DEAF1: variants seen among roughly 807,000 people sequenced by gnomAD.
DEAF1 encodes deformed epidermal autoregulatory factor 1 homolog.
DEAF1 carries 53 observed loss-of-function variants against 58.9 expected under a neutral mutation model. The observed-to-expected ratio is 0.90, with a 90% CI of 0.72 to 1.13. The LOEUF (loss-of-function observed/expected upper bound fraction) is 1.13, where lower values mean the gene tolerates loss of function less well. DEAF1 is among the 50% of genes most tolerant of loss of function. The pLI is 0.00. For synonymous variants in DEAF1, 385 were observed against 340.4 expected (o/e 1.13, Z -1.44); for missense variants, 685 against 791.4 (o/e 0.87, Z 1.61).
chr11:699,821 A>T, upstream of DEAF1: 1 of 296,578 alleles, frequency 3.4e-6, no homozygotes, highest in East Asian at 6.3e-5. Flanking sequence ...AGGCAGGGTG[A>T]CATCACTGGG....
At chr11:646,060 CTGCCCAACA>C (rs1472213084) in intron 11 of DEAF1, among the ~76,000 whole-genome samples, 1 of 151,966 alleles carries the variant, frequency 6.6e-6, no homozygotes, top group African/African-American at 2.4e-5. Flanking sequence ...CGAGACCAGC[CTGCCCAACA>C]TGGCAAAACC....
In DEAF1 at chr11:677,757, A is replaced by C. The variant is rs1432707381; in HGVS notation, c.1255+937T>G. Among the ~76,000 whole-genome samples, 5 of 112,884 alleles carry C rather than the reference A, an allele frequency of 4.4e-5. 1 individual carries two copies. The highest frequency in any genetic ancestry group is 1.0e-4 in the Non-Finnish European group (5 of 49,302). 74.1% of individuals were successfully genotyped at this position (112,884 alleles called of 152,430 possible). ...ATCATGAGGTCAGGAGTTTGAGACC[A>C]GCCTGACCAGCATGGTGAAACCCCA... is the stretch of plus-strand genomic sequence containing the variant. On this transcript the variant is annotated intron_variant, in intron 9 of 11. Coordinates refer to ENST00000382409, the MANE Select transcript of DEAF1 (RefSeq NM_021008.4).
chr11:655,988 C>T (rs966691946), intron 10 of DEAF1, among the ~76,000 whole-genome samples: 22 of 150,640 alleles, frequency 1.5e-4, no homozygotes, highest in Admixed American at 1.4e-3. Flanking sequence ...CGGACCACCA[C>T]GCCTGGCTAA....
upstream of DEAF1, chr11:695,375 C>T: frequency 2.4e-6 from 1 of 417,240 alleles, no homozygotes; most frequent in Non-Finnish European, 4.2e-6. Flanking sequence ...CGAGTCCTCA[C>T]GAGGGCTTCC....
At chr11:697,261 A>C (rs900303392), upstream of DEAF1, among the ~76,000 whole-genome samples, 2 of 151,920 alleles carry the variant, frequency 1.3e-5, no homozygotes, top group Non-Finnish European at 2.9e-5. Context: ...CTCTAAAAAA[A>C]CTAAGTGTAT....
chr11:646,584 C>A (rs2133267628), intron 11 of DEAF1: 1 of 152,354 alleles, frequency 6.6e-6, no homozygotes, highest in South Asian at 2.1e-4. Context: ...AGAGGGCGCA[C>A]ATCAGTGTTG....
rs1165387256 is a variant in DEAF1 at position 681,239 on chromosome 11, C to A, written c.871-150G>T. The A allele has an allele frequency of 2.2e-5, 25 of 1,142,070 alleles. No homozygotes were observed. The South Asian group carries it at 3.4e-4, about 15-fold the overall frequency. 70.7% of individuals were successfully genotyped at this position (1,142,070 alleles called of 1,614,324 possible). A position where few individuals can be genotyped will look rare whatever the true frequency, so the allele number is the denominator to read the frequency against. On this transcript the variant is annotated intron_variant, in intron 6 of 11. Coordinates refer to ENST00000382409, the MANE Select transcript of DEAF1 (RefSeq NM_021008.4). ...GTAAGCGCCCCTAAAGATCCCACCT[C>A]TTTTTCTTTTTTGAGACGGAGTTTC...
chr11:659,811 C>T (rs1346977261), intron 10 of DEAF1, among the ~76,000 whole-genome samples: 1 of 152,160 alleles, frequency 6.6e-6, no homozygotes, highest in Admixed American at 6.6e-5. Context: ...AGAGACAGAG[C>T]GGGAGAGGGG....
chr11:687,104 G>A lies in DEAF1; in HGVS notation c.665-107C>T, dbSNP rs1462625673. 4.6e-6 allele frequency: 7 copies of A among 1,534,964 alleles called. No individual in the cohort carries two copies. The African/African-American group carries it at 9.6e-5, about 21-fold the overall frequency. On this transcript the variant is annotated intron_variant, in intron 4 of 11. Transcript: ENST00000382409. ...CCCCTCCACCAGCACCAGCGCCCCAGCGGCTCATGTGATCTCACCCACCCA... is the reference window on the plus strand; with the variant it reads ...CCCCTCCACCAGCACCAGCGCCCCAACGGCTCATGTGATCTCACCCACCCA...
At chr11:690,309 G>GC (rs1464965001) in intron 2 of DEAF1, among the ~76,000 whole-genome samples, 1 of 9,624 alleles carries the variant, frequency 1.0e-4, no homozygotes, top group African/African-American at 4.0e-4. Context: ...GGGAGGGGAG[G>GC]AGAGGGCAGG....
In DEAF1 at chr11:644,661, G is replaced by C; in HGVS notation, c.1594-7C>G. The C allele has an allele frequency of 6.2e-7, 1 of 1,603,282 alleles. No homozygotes were observed. Among genetic ancestry groups the C allele is most frequent in the South Asian group, 1.1e-5 (1 of 89,646 alleles). Reference sequence around the variant, plus strand: ...GCTGGTGATCCTTCCAGTCCTGGAAGGGAGGACACACCCATGTCAGCAGGG... The same window carrying C: ...GCTGGTGATCCTTCCAGTCCTGGAACGGAGGACACACCCATGTCAGCAGGG... On this transcript the variant is annotated splice_polypyrimidine_tract_variant and splice_region_variant and intron_variant, in intron 11 of 11. Coordinates refer to ENST00000382409, the MANE Select transcript of DEAF1 (RefSeq NM_021008.4). This position sits in a 1 kb window ranked among gnomAD's most constrained non-coding sequence, Gnocchi z 4.3.
chr11:660,512 C>T (rs776773696), intron 10 of DEAF1, among the ~76,000 whole-genome samples: 131 of 152,374 alleles, frequency 8.6e-4, no homozygotes, highest in Non-Finnish European at 1.1e-3. Context: ...CCACAACACC[C>T]CTGGCTCCCT....
At position 705,296 on chromosome 11, in the gene DEAF1, C is replaced by T. The variant is rs541008948; in HGVS notation, c.-438+1276G>A. ...TGGGGCGCCCTGTGCCCCTTCACCT[C>T]GTCCTCGTCCAGTTGACTGCTGTGG... is the stretch of plus-strand genomic sequence containing the variant. On this transcript the variant is annotated intron_variant, in intron 1 of 11. Coordinates refer to the DEAF1 transcript ENST00000683307. 162 of 158,474 alleles carry T rather than the reference C, an allele frequency of 1.0e-3. 1 individual carries two copies. The highest frequency in any genetic ancestry group is 4.3e-3 in the Admixed American group (73 of 16,782). The allele number at this position is 158,474 out of a possible 1,614,324, so 9.8% of individuals were successfully genotyped here.
intron 10 of DEAF1, among the ~76,000 whole-genome samples, chr11:657,542 G>A (rs1180302242): frequency 1.3e-5 from 2 of 152,146 alleles, no homozygotes; most frequent in Non-Finnish European, 2.9e-5. Context: ...TCCCGTCTAG[G>A]AGAAGCCCCC....
In DEAF1 at chr11:654,061, G is replaced by A. The variant is rs757616751; in HGVS notation, c.1504-10C>T. On this transcript the variant is annotated splice_polypyrimidine_tract_variant and intron_variant, in intron 10 of 11. Coordinates refer to ENST00000382409, the MANE Select transcript of DEAF1 (RefSeq NM_021008.4). ...AGTTAACGCAGGACTGCTGCAAGAA[G>A]GACACAACAGGCCAGTCAGTGACGT... 3 of 1,611,800 alleles carry A rather than the reference G, an allele frequency of 1.9e-6. No individual in the cohort carries two copies. The South Asian group carries it at 3.3e-5, about 18-fold the overall frequency.
intron 10 of DEAF1, among the ~76,000 whole-genome samples, chr11:657,552 C>A (rs72844739): frequency 6.6e-6 from 1 of 152,152 alleles, no homozygotes; most frequent in Non-Finnish European, 1.5e-5. Flanking sequence ...GAGAAGCCCC[C>A]CCACGGCCGT....
At chr11:681,310 C>T (rs1301111542) in intron 6 of DEAF1, among the ~76,000 whole-genome samples, 3 of 152,172 alleles carry the variant, frequency 2.0e-5, no homozygotes, top group African/African-American at 4.8e-5. Flanking sequence ...TCTTGGCTTA[C>T]TGCAACCTCC....
rs1860671001 is a variant in DEAF1 at position 687,968 on chromosome 11, G to A, written c.607C>T (p.Leu203=). ...NWDPSVYDSE[L]PVRCRNISGT... is the part of the protein sequence containing the mutation. ...CTGATGTTCCGGCACCGTACGGGCA[G>A]CTCACTGTCGTACACAGAAGGGTCC... The change falls in exon 4 of 12, where the codon CTG becomes TTG. Residue 203 remains leucine, a synonymous_variant. Coordinates refer to ENST00000382409, the MANE Select transcript of DEAF1 (RefSeq NM_021008.4). 1 of 1,614,108 alleles carries A rather than the reference G, an allele frequency of 6.2e-7. No homozygotes were observed. Among genetic ancestry groups the A allele is most frequent in the East Asian group, 2.2e-5 (1 of 44,884 alleles).
At chr11:655,618 A>G (rs1039609042) in intron 10 of DEAF1, among the ~76,000 whole-genome samples, 3 of 152,020 alleles carry the variant, frequency 2.0e-5, no homozygotes, top group Non-Finnish European at 4.4e-5. Flanking sequence ...AAACGACTCC[A>G]GCGCGGCCCC....
Sources: allele counts gnomAD v4.1 joint callset (sites outside exome capture counted in the v4.1 genomes callset), GRCh38; gene constraint gnomAD v4.1.1; non-coding constraint Gnocchi (gnomAD v3.1); transcripts MANE v1.5; gene names NCBI Gene and HGNC (gene_info 2026-07-23, HGNC 2026-07-21).